SLC22A23: variants seen among roughly 807,000 people sequenced by gnomAD.
SLC22A23 encodes the protein solute carrier family 22 member 23.
Under a neutral mutation model 61.0 loss-of-function variants are expected in SLC22A23, and 26 were observed. The observed-to-expected ratio is 0.43, with a 90% CI of 0.31 to 0.59. The LOEUF (loss-of-function observed/expected upper bound fraction) is 0.59, where lower values mean the gene tolerates loss of function less well. Ranked by LOEUF, SLC22A23 falls within the 20% of genes least tolerant of loss-of-function variation. The probability of loss-of-function intolerance (pLI) is 0.11; values close to 1 mark genes in which losing one functional copy is unlikely to be tolerated. For missense variants in SLC22A23, 796 were observed against 934.7 expected, an observed-to-expected ratio of 0.85 and a Z score of 1.94; for synonymous variants, 430 against 413.9, an observed-to-expected ratio of 1.04 and a Z score of -0.47.
intron 3 of SLC22A23, among the ~76,000 whole-genome samples, chr6:3,335,512 T>A (rs752978061): frequency 6.6e-6 from 1 of 152,148 alleles, no homozygotes; most frequent in Non-Finnish European, 1.5e-5. Flanking sequence ...TGGGGTGAAT[T>A]CCTCTCGCCC....
At chr6:3,455,794 T>C (rs1038637181) in intron 1 of SLC22A23, 112 bp downstream of exon 1, 2 of 1,314,418 alleles carry the variant, frequency 1.5e-6, no homozygotes, top group Non-Finnish European at 2.0e-6. Flanking sequence ...CGGAATGCCC[T>C]ACACACACTC....
chr6:3,384,318 CAT>C (rs1767144179), intron 3 of SLC22A23, among the ~76,000 whole-genome samples: 1 of 152,202 alleles, frequency 6.6e-6, no homozygotes, highest in African/African-American at 2.4e-5. Flanking sequence ...ATCTCAGACT[CAT>C]GTTAAATAAG....
chr6:3,354,719 C>G (rs551245459), intron 3 of SLC22A23, among the ~76,000 whole-genome samples: 2 of 152,320 alleles, frequency 1.3e-5, no homozygotes, highest in South Asian at 4.1e-4. Flanking sequence ...TGATCCACAC[C>G]ATCTCTAATT....
intron 5 of SLC22A23, chr6:3,291,004 G>A (rs1760536721): frequency 6.6e-6 from 1 of 152,312 alleles, no homozygotes; most frequent in South Asian, 2.1e-4. Context: ...CGGCATCCCG[G>A]GTGGGAGGAG....
At chr6:3,312,517 C>T (rs984772970) in intron 4 of SLC22A23, 1 of 149,936 alleles carries the variant, frequency 6.7e-6, no homozygotes, top group African/African-American at 2.5e-5. Flanking sequence ...AGCAGCCTCA[C>T]CTCCTACTCA....
rs534232063 is a variant in SLC22A23, at chr6:3,442,346, G to A, written c.654+13560C>T. Among the ~76,000 whole-genome samples the A allele has an allele frequency of 2.0e-5, 3 of 152,298 alleles. No homozygotes were observed. In the South Asian group the frequency reaches 6.2e-4, roughly 32 times the overall value. ...CTGGAGATGGATGATGGTGCCAGCT[G>A]CACAACAATGAGGATGCACCTAAAG... On this transcript the variant is annotated intron_variant, in intron 1 of 9. Transcript: ENST00000406686.
At chr6:3,383,718 A>G (rs904665428) in intron 3 of SLC22A23, among the ~76,000 whole-genome samples, 2 of 152,200 alleles carry the variant, frequency 1.3e-5, no homozygotes, top group African/African-American at 4.8e-5. Context: ...TCCAGTGATG[A>G]CACAGATTGC....
chr6:3,392,706 A>G (rs1441912894), intron 3 of SLC22A23, among the ~76,000 whole-genome samples: 1 of 152,156 alleles, frequency 6.6e-6, no homozygotes, highest in Non-Finnish European at 1.5e-5. Flanking sequence ...ACTCTTACCC[A>G]TTTTTGGCTT....
At chr6:3,362,550 G>C (rs933349326) in intron 3 of SLC22A23, among the ~76,000 whole-genome samples, 1 of 152,038 alleles carries the variant, frequency 6.6e-6, no homozygotes, top group Non-Finnish European at 1.5e-5. Context: ...ATCTCTTCAT[G>C]GCCCTGGGCT....
intron 1 of SLC22A23, among the ~76,000 whole-genome samples, chr6:3,435,573 C>T (rs1417890257): frequency 6.6e-6 from 1 of 152,124 alleles, no homozygotes; most frequent in Non-Finnish European, 1.5e-5. Context: ...ACTTGCACAT[C>T]TGATTTACAA....
intron 3 of SLC22A23, among the ~76,000 whole-genome samples, chr6:3,350,304 C>T (rs1007724611): frequency 6.6e-6 from 1 of 152,146 alleles, no homozygotes; most frequent in African/African-American, 2.4e-5. Flanking sequence ...GACCCTCGGG[C>T]CAAATCCTGC....
At chr6:3,285,976 G>A (rs142184803) in intron 7 of SLC22A23, among the ~76,000 whole-genome samples, 334 of 152,270 alleles carry the variant, frequency 2.2e-3, no homozygotes, top group Non-Finnish European at 4.0e-3. Flanking sequence ...TGTTCACGTC[G>A]CGCCCTGGGC....
chr6:3,453,616 G>A (rs916907504), intron 1 of SLC22A23, among the ~76,000 whole-genome samples: 1 of 152,132 alleles, frequency 6.6e-6, no homozygotes. Flanking sequence ...CTCCCTTTCT[G>A]ACACCTAGGG....
intron 3 of SLC22A23, among the ~76,000 whole-genome samples, chr6:3,405,577 A>G (rs7744906): frequency 0.07 from 10,636 of 151,084 alleles, 1,257 homozygotes; most frequent in African/African-American, 0.25. Context: ...TTCATTCCAC[A>G]CTTTGACAAC....
At chr6:3,442,185 C>T (rs1771643569) in intron 1 of SLC22A23, among the ~76,000 whole-genome samples, 1 of 152,110 alleles carries the variant, frequency 6.6e-6, no homozygotes, top group South Asian at 2.1e-4. Flanking sequence ...CACAAAAGGA[C>T]AAATGCTCTA....
chr6:3,454,257 A>T lies in SLC22A23; in HGVS notation c.654+1649T>A, dbSNP rs2127561308. ...TAGAAAAACTGCCCAGCTCTCCAAT[A>T]TGCCTCCATAGTCTGCTTTTAAGAA... is the stretch of plus-strand genomic sequence containing the variant. On this transcript the variant is annotated intron_variant, in intron 1 of 9. Transcript: ENST00000406686. This position sits in a 1 kb window ranked among gnomAD's most constrained non-coding sequence, Gnocchi z 4.3. Among the ~76,000 whole-genome samples, 1 of 152,096 alleles carries T rather than the reference A, an allele frequency of 6.6e-6. No individual in the cohort carries two copies. The highest frequency in any genetic ancestry group is 1.9e-4 in the East Asian group (1 of 5,182).
At chr6:3,346,126 T>C (rs1455311809) in intron 3 of SLC22A23, among the ~76,000 whole-genome samples, 1 of 152,190 alleles carries the variant, frequency 6.6e-6, no homozygotes, top group Non-Finnish European at 1.5e-5. Context: ...TGCCTTGAAC[T>C]GCTCAAAGCC....
chr6:3,391,552 A>G (rs1306771844), intron 3 of SLC22A23, among the ~76,000 whole-genome samples: 1 of 152,224 alleles, frequency 6.6e-6, no homozygotes, highest in Non-Finnish European at 1.5e-5. Context: ...CCATGAATTC[A>G]TTCATTCATC....
intron 4 of SLC22A23, chr6:3,303,312 TACAA>T (rs1290419954): frequency 1.3e-5 from 2 of 152,184 alleles, no homozygotes; most frequent in African/African-American, 4.8e-5. Context: ...CTCAAAAAAC[TACAA>T]ACAGAATTAC....
Sources: allele counts gnomAD v4.1 joint callset (sites outside exome capture counted in the v4.1 genomes callset), GRCh38; gene constraint gnomAD v4.1.1; non-coding constraint Gnocchi (gnomAD v3.1); transcripts MANE v1.5; gene names NCBI Gene and HGNC (gene_info 2026-07-23, HGNC 2026-07-21).